The following KLF8 variants were observed in gnomAD, a reference collection of about 807,000 sequenced individuals.
KLF8 encodes the protein KLF transcription factor 8.
A neutral mutation model predicts 18.2 loss-of-function variants in KLF8; 10 were observed. The ratio of observed to expected loss-of-function variants is 0.55; its 90% confidence interval spans 0.34 to 0.93. The LOEUF is 0.93. Among genes scored for constraint, KLF8 ranks in the 40% least tolerant of loss-of-function variants. The pLI is 0.02. For synonymous variants in KLF8, 109 were observed against 97.3 expected (o/e 1.12, Z -0.71); for missense variants, 264 against 277.9 (o/e 0.95, Z 0.36).
the KLF8 span, among the ~76,000 whole-genome samples, chrX:56,063,240 G>A: frequency 3.6e-5 from 4 of 111,259 alleles, no homozygotes; most frequent in Non-Finnish European, 5.7e-5. Context: ...TGTAGGAGAA[G>A]AGGCCTTTTG....
At chrX:56,039,775 G>T in the KLF8 span, among the ~76,000 whole-genome samples, 1 of 111,407 alleles carries the variant, frequency 9.0e-6, no homozygotes, top group Admixed American at 9.5e-5. Flanking sequence ...GAATGTCAAT[G>T]GTAGTTTAAT....
At chrX:55,937,878 A>C in the KLF8 span, among the ~76,000 whole-genome samples, 1 of 112,172 alleles carries the variant, frequency 8.9e-6, no homozygotes, top group Admixed American at 9.5e-5. Context: ...ACTATGGGAA[A>C]AGACCAAATC....
chrX:56,165,825 A>G, the KLF8 span, among the ~76,000 whole-genome samples: 3 of 109,022 alleles, frequency 2.8e-5, no homozygotes, highest in African/African-American at 1.0e-4. Context: ...TGCACCACTG[A>G]ACTCCAGGCT....
the KLF8 span, among the ~76,000 whole-genome samples, chrX:56,218,092 G>A: frequency 9.0e-6 from 1 of 111,612 alleles, no homozygotes; most frequent in African/African-American, 3.3e-5. Context: ...CAGCAGAAAG[G>A]AAAACCTGTA....
chrX:55,925,127 T>C, the KLF8 span, among the ~76,000 whole-genome samples: 4 of 104,149 alleles, frequency 3.8e-5, no homozygotes, highest in East Asian at 8.9e-4. Flanking sequence ...TCCCAAAGTG[T>C]TGGGATTGCA....
the KLF8 span, among the ~76,000 whole-genome samples, chrX:56,167,376 C>G: frequency 8.9e-6 from 1 of 111,891 alleles, no homozygotes; most frequent in Non-Finnish European, 1.9e-5. Context: ...ATGATCTGCT[C>G]GTCTATGCCT....
the KLF8 span, among the ~76,000 whole-genome samples, chrX:56,049,297 C>G: frequency 9.0e-6 from 1 of 111,497 alleles, no homozygotes; most frequent in Non-Finnish European, 1.9e-5. Context: ...GAACTTCCAA[C>G]ACTATGTTGA....
the KLF8 span, among the ~76,000 whole-genome samples, chrX:56,034,113 T>C: frequency 0.21 from 23,251 of 111,543 alleles, 4,920 homozygotes; most frequent in African/African-American, 0.65. Flanking sequence ...TAGTTTTTTC[T>C]GCTATATTTT....
In KLF8 at chrX:56,284,735, G is replaced by A. The variant is rs953269636; in HGVS notation, c.*241G>A. On this transcript the variant is annotated 3_prime_UTR_variant, in exon 6 of 6. Coordinates refer to ENST00000468660, the MANE Select transcript of KLF8 (RefSeq NM_007250.5). ...ACCTCCACATGGGTTGAATTCCAGT[G>A]TGGCACCCATGGCTGCCTTCCCATC... 2 of 281,336 alleles carry A rather than the reference G, an allele frequency of 7.1e-6. No homozygotes were observed. The highest frequency in any genetic ancestry group is 1.2e-5 in the Non-Finnish European group (2 of 161,699). The allele number at this position is 281,336 out of a possible 1,213,427, so 23.2% of individuals were successfully genotyped here.
the KLF8 span, among the ~76,000 whole-genome samples, chrX:56,131,694 G>A: frequency 6.3e-5 from 7 of 111,898 alleles, no homozygotes; most frequent in East Asian, 1.4e-3. Context: ...CAGAATTGCA[G>A]AATAGATAAG....
the KLF8 span, among the ~76,000 whole-genome samples, chrX:55,953,939 G>GTA: frequency 8.3e-5 from 9 of 108,519 alleles, no homozygotes; most frequent in African/African-American, 2.3e-4. Context: ...ATATATATAT[G>GTA]TATATATATA....
At chrX:56,277,467 G>A (rs1469626472) in intron 5 of KLF8, among the ~76,000 whole-genome samples, 3 of 111,834 alleles carry the variant, frequency 2.7e-5, no homozygotes, top group African/African-American at 6.5e-5. Context: ...TTACCAAGCA[G>A]AAACTCTTGT....
At chrX:55,981,752 A>G in the KLF8 span, among the ~76,000 whole-genome samples, 1 of 111,772 alleles carries the variant, frequency 8.9e-6, no homozygotes, top group African/African-American at 3.3e-5. Context: ...CAGATGGGCT[A>G]TGGAGCACTG....
the KLF8 span, among the ~76,000 whole-genome samples, chrX:55,916,718 G>A: frequency 8.9e-6 from 1 of 111,846 alleles, no homozygotes; most frequent in African/African-American, 3.2e-5. Context: ...TACACATAGT[G>A]ACAGTGATTA....
At chrX:55,991,641 G>A in the KLF8 span, among the ~76,000 whole-genome samples, 3 of 111,933 alleles carry the variant, frequency 2.7e-5, no homozygotes, top group Non-Finnish European at 3.8e-5. Flanking sequence ...AGCCATCTTG[G>A]CTCCACTGAT....
chrX:55,914,861 T>C, the KLF8 span, among the ~76,000 whole-genome samples: 2 of 111,512 alleles, frequency 1.8e-5, no homozygotes, highest in Non-Finnish European at 3.8e-5. Flanking sequence ...CTCTTATTTT[T>C]TATAAGCACG....
At chrX:56,031,615 G>A in the KLF8 span, among the ~76,000 whole-genome samples, 1 of 111,723 alleles carries the variant, frequency 9.0e-6, no homozygotes, top group East Asian at 2.8e-4. Flanking sequence ...CGGGTAGGCT[G>A]GAGTCCTCTG....
At position 56,232,910 on chromosome X, in the gene KLF8, G is replaced by A. The variant is rs1013063005; in HGVS notation, c.-425G>A. 1.1e-4 allele frequency: 16 copies of A among 143,129 alleles called. 1 individual carries two copies. In the Admixed American group the frequency reaches 1.1e-3, roughly 10 times the overall value. The allele number at this position is 143,129 out of a possible 1,213,427, so 11.8% of individuals were successfully genotyped here. A position where few individuals can be genotyped will look rare whatever the true frequency, so the allele number is the denominator to read the frequency against. ...GGATGGGTGGAGAGCGGGCTTGGCC[G>A]GAACTGAATTGGTAGAGGTAAAAGG... On this transcript the variant is annotated 5_prime_UTR_variant, in exon 1 of 6. Transcript: ENST00000468660.
chrX:56,071,073 G>C, the KLF8 span, among the ~76,000 whole-genome samples: 1 of 111,786 alleles, frequency 8.9e-6, no homozygotes, highest in Non-Finnish European at 1.9e-5. Flanking sequence ...AGATAACCTA[G>C]ATATTAGTGT....
Sources: allele counts gnomAD v4.1 joint callset (sites outside exome capture counted in the v4.1 genomes callset), GRCh38; gene constraint gnomAD v4.1.1; transcripts MANE v1.5; gene names NCBI Gene and HGNC (gene_info 2026-07-23, HGNC 2026-07-21).